Variants in KCNH7 observed in about 807,000 individuals in gnomAD.
The protein encoded by KCNH7 is potassium voltage-gated channel subfamily H member 7.
KCNH7 carries 49 observed loss-of-function variants against 120.8 expected under a neutral mutation model. The observed-to-expected ratio is 0.41, with a 90% CI of 0.32 to 0.51. The LOEUF (loss-of-function observed/expected upper bound fraction) is 0.51, where lower values mean the gene tolerates loss of function less well. Ranked by LOEUF, KCNH7 falls within the 20% of genes least tolerant of loss-of-function variation. The pLI, the probability that KCNH7 is intolerant of heterozygous loss-of-function variation, is 0.38. For synonymous variants in KCNH7, 547 were observed against 516.1 expected (o/e 1.06, Z -0.81); for missense variants, 1,097 against 1,446.6 (o/e 0.76, Z 3.92).
chr2:162,810,836 C>T (rs1441667067), intron 2 of KCNH7, among the ~76,000 whole-genome samples: 1 of 151,962 alleles, frequency 6.6e-6, no homozygotes, highest in African/African-American at 2.4e-5. Flanking sequence ...ACTTAGTGTC[C>T]TAGTTTATCT....
At chr2:162,429,269 C>T (rs1027778101) in intron 8 of KCNH7, among the ~76,000 whole-genome samples, 1 of 151,300 alleles carries the variant, frequency 6.6e-6, no homozygotes, top group Non-Finnish European at 1.5e-5. Context: ...TTGGTACTAT[C>T]ATTGTCATAA....
At chr2:162,392,172 A>C (rs1272499512) in intron 12 of KCNH7, among the ~76,000 whole-genome samples, 1 of 152,082 alleles carries the variant, frequency 6.6e-6, no homozygotes, top group Non-Finnish European at 1.5e-5. Context: ...GAAGCTTTAC[A>C]TTTGAGGAGC....
intron 2 of KCNH7, among the ~76,000 whole-genome samples, chr2:162,831,458 G>A (rs950334750): frequency 3.3e-5 from 5 of 152,146 alleles, no homozygotes; most frequent in Non-Finnish European, 5.9e-5. Flanking sequence ...AGGATTTGGT[G>A]ACCAGTTGGC....
intron 9 of KCNH7, among the ~76,000 whole-genome samples, chr2:162,419,660 A>AT (rs892816156): frequency 2.0e-5 from 3 of 152,028 alleles, no homozygotes; most frequent in Non-Finnish European, 4.4e-5. Flanking sequence ...TCATACAGGC[A>AT]TTTTTTCCAT....
chr2:162,395,028 T>C (rs1686867795), intron 11 of KCNH7, among the ~76,000 whole-genome samples: 2 of 151,872 alleles, frequency 1.3e-5, no homozygotes, highest in Admixed American at 1.3e-4. Context: ...TATATCCTCA[T>C]CCTTATGATT....
chr2:162,728,117 T>C (rs1032266717), intron 2 of KCNH7, among the ~76,000 whole-genome samples: 2 of 152,034 alleles, frequency 1.3e-5, no homozygotes, highest in Non-Finnish European at 2.9e-5. Flanking sequence ...TCATCAGCAG[T>C]ATATGACAGC....
At chr2:162,739,960 AG>A (rs71410038) in intron 2 of KCNH7, among the ~76,000 whole-genome samples, 3,237 of 152,296 alleles carry the variant, frequency 0.021, 72 homozygotes, top group East Asian at 0.11. Context: ...ATTGGATTGC[AG>A]AAACTAATCC....
intron 9 of KCNH7, among the ~76,000 whole-genome samples, chr2:162,404,993 T>C (rs1687166812): frequency 6.6e-6 from 1 of 152,074 alleles, no homozygotes; most frequent in African/African-American, 2.4e-5. Flanking sequence ...TTTATAATAC[T>C]AATGATTGTT....
intron 2 of KCNH7, among the ~76,000 whole-genome samples, chr2:162,587,725 T>C (rs913819392): frequency 6.6e-6 from 1 of 152,066 alleles, no homozygotes; most frequent in Non-Finnish European, 1.5e-5. Context: ...AAAAAGCATC[T>C]CCCTTTTTGC....
chr2:162,559,960 T>C (rs1228538631), intron 2 of KCNH7, among the ~76,000 whole-genome samples: 1 of 152,234 alleles, frequency 6.6e-6, no homozygotes, highest in Admixed American at 6.5e-5. Flanking sequence ...TTCTCATTTT[T>C]AGAAACTAAC....
intron 6 of KCNH7, among the ~76,000 whole-genome samples, chr2:162,499,636 A>G (rs138603992): frequency 4.1e-4 from 63 of 152,238 alleles, no homozygotes; most frequent in African/African-American, 1.4e-3. Flanking sequence ...TTGCCTAACA[A>G]AAGATTTCAG....
chr2:162,703,533 T>G (rs931819501), intron 2 of KCNH7, among the ~76,000 whole-genome samples: 3 of 152,186 alleles, frequency 2.0e-5, no homozygotes, highest in Non-Finnish European at 4.4e-5. Context: ...ATGAAATGTC[T>G]ATTATTTCAT....
chr2:162,649,326 C>T lies in KCNH7; in HGVS notation c.308-112246G>A, dbSNP rs138659707. 5.4e-3 allele frequency among the ~76,000 whole-genome samples: 827 copies of T among 152,196 alleles called. 8 individuals carry two copies. Among genetic ancestry groups the T allele is most frequent in the African/African-American group, 0.019 (789 of 41,540 alleles). ...ACAAGACTTTTTGTTTTGAGAGAAG[C>T]TTAACTCTACACAAATGGTAAATTG... is the stretch of plus-strand genomic sequence containing the variant. On this transcript the variant is annotated intron_variant, in intron 2 of 15. Coordinates refer to ENST00000332142, the MANE Select transcript of KCNH7 (RefSeq NM_033272.4).
At chr2:162,673,286 C>A (rs1290211734) in intron 2 of KCNH7, among the ~76,000 whole-genome samples, 1 of 151,802 alleles carries the variant, frequency 6.6e-6, no homozygotes, top group Non-Finnish European at 1.5e-5. Context: ...TAAAATATAG[C>A]AAATGGTTTT....
chr2:162,498,668 GA>G (rs1196232599), intron 6 of KCNH7, among the ~76,000 whole-genome samples: 1 of 152,038 alleles, frequency 6.6e-6, no homozygotes, highest in East Asian at 1.9e-4. Flanking sequence ...TCCTCCACAA[GA>G]TGATCACATG....
chr2:162,733,130 A>G (rs1687782885), intron 2 of KCNH7, among the ~76,000 whole-genome samples: 1 of 152,160 alleles, frequency 6.6e-6, no homozygotes, highest in South Asian at 2.1e-4. Flanking sequence ...TCTCAGAGCT[A>G]TGAATCGACA....
At chr2:162,587,082 A>G (rs1245163559) in intron 2 of KCNH7, among the ~76,000 whole-genome samples, 1 of 152,092 alleles carries the variant, frequency 6.6e-6, no homozygotes, top group Non-Finnish European at 1.5e-5. Context: ...ATTCATATAC[A>G]TGAATTCTGT....
intron 6 of KCNH7, among the ~76,000 whole-genome samples, chr2:162,456,591 T>C (rs746107023): frequency 1.3e-5 from 2 of 152,116 alleles, no homozygotes; most frequent in South Asian, 2.1e-4. Context: ...CTGTCTAATA[T>C]TGAGAGTGGG....
intron 2 of KCNH7, among the ~76,000 whole-genome samples, chr2:162,770,678 T>C (rs1450507869): frequency 7.3e-6 from 1 of 137,770 alleles, no homozygotes; most frequent in South Asian, 2.1e-4. Flanking sequence ...GTTTTTCATC[T>C]CATGAATCTT....
Sources: allele counts gnomAD v4.1 joint callset (sites outside exome capture counted in the v4.1 genomes callset), GRCh38; gene constraint gnomAD v4.1.1; transcripts MANE v1.5; gene names NCBI Gene and HGNC (gene_info 2026-07-23, HGNC 2026-07-21).